SORBS2: variants seen among roughly 807,000 people sequenced by gnomAD.
SORBS2 encodes the protein sorbin and SH3 domain-containing protein 2.
In SORBS2, 46 loss-of-function variants were observed where a neutral mutation model predicts 97.7. The ratio of observed to expected loss-of-function variants is 0.47; its 90% CI spans 0.37 to 0.60. The LOEUF (loss-of-function observed/expected upper bound fraction) is 0.60. Ranked by LOEUF, SORBS2 falls within the 20% of genes least tolerant of loss-of-function variation. The pLI is 0.00. For synonymous variants in SORBS2, 476 were observed against 473.4 expected (o/e 1.01, Z -0.07); for missense variants, 1,316 against 1,282.3 (o/e 1.03, Z -0.40).
intron 2 of SORBS2, among the ~76,000 whole-genome samples, chr4:185,709,427 A>G (rs2098397698): frequency 6.6e-6 from 1 of 151,528 alleles, no homozygotes; most frequent in Non-Finnish European, 1.5e-5. Context: ...TTATTAGGGT[A>G]GGAATAATTA....
At chr4:185,932,298 A>G (rs2099266901) in intron 1 of SORBS2, among the ~76,000 whole-genome samples, 1 of 151,708 alleles carries the variant, frequency 6.6e-6, no homozygotes, top group Admixed American at 6.6e-5. Context: ...AATCTTGCAA[A>G]GGACAGTGGA....
chr4:185,651,181 A>AT (rs2097307796), intron 2 of SORBS2, among the ~76,000 whole-genome samples: 1 of 152,246 alleles, frequency 6.6e-6, no homozygotes, highest in South Asian at 2.1e-4. Context: ...AGGGAAAAAC[A>AT]TTTGTCAGGG....
intron 1 of SORBS2, among the ~76,000 whole-genome samples, chr4:185,784,584 T>C (rs1303952301): frequency 1.3e-5 from 2 of 152,178 alleles, no homozygotes; most frequent in Non-Finnish European, 2.9e-5. Flanking sequence ...GGATTTCTTG[T>C]TATTTGAGGC....
chr4:185,708,042 C>G (rs1281752014), intron 2 of SORBS2, among the ~76,000 whole-genome samples: 5 of 152,148 alleles, frequency 3.3e-5, no homozygotes, highest in African/African-American at 1.2e-4. Flanking sequence ...CATCTTTCTT[C>G]CCCTTGAAGG....
chr4:185,740,049 G>C (rs1027521), intron 2 of SORBS2: 1 of 152,550 alleles, frequency 6.6e-6, no homozygotes, highest in Non-Finnish European at 1.5e-5. Context: ...CCAACACGGT[G>C]AGTTTGCTTC....
chr4:185,912,040 T>C (rs2099255410), intron 1 of SORBS2, among the ~76,000 whole-genome samples: 1 of 152,234 alleles, frequency 6.6e-6, no homozygotes, highest in Admixed American at 6.5e-5. Context: ...AGCTGGACTT[T>C]GTAGGAGAAA....
Position 185,717,613 on chromosome 4 carries a change from A to T in SORBS2, c.-197-38791T>A, listed in dbSNP as rs899065254. On this transcript the variant is annotated intron_variant, in intron 2 of 20. Coordinates refer to the SORBS2 transcript ENST00000284776. The stretch of plus-strand genomic sequence containing the variant: ...GAAGCCGCATGTGGTCAAAGGAGAT[A>T]AAGTACCACAAACTGAGGAGTGTAG... Among the ~76,000 whole-genome samples the T allele has an allele frequency of 3.3e-5, 5 of 152,224 alleles. No homozygotes were observed. In the South Asian group the frequency reaches 6.2e-4, roughly 19 times the overall value.
chr4:185,756,201 T>C (rs2098829549), intron 2 of SORBS2, among the ~76,000 whole-genome samples: 1 of 152,222 alleles, frequency 6.6e-6, no homozygotes, highest in Non-Finnish European at 1.5e-5. Context: ...CTCTATGCAG[T>C]TCATAACTGT....
chr4:185,894,083 C>G lies in SORBS2; in HGVS notation c.-338+62113G>C, dbSNP rs1579356722. The stretch of plus-strand genomic sequence containing the variant: ...GCTATTCCTGTGTTCTCCAGCCCCT[C>G]TGAATACCGATCTCGAAATATGCCA... On this transcript the variant is annotated intron_variant, in intron 1 of 20. Transcript: ENST00000284776. Among the ~76,000 whole-genome samples the G allele has an allele frequency of 2.6e-5, 4 of 152,310 alleles. No individual in the cohort carries two copies. In the South Asian group the frequency reaches 8.3e-4, roughly 32 times the overall value.
chr4:185,638,412 T>C (rs920147163), intron 4 of SORBS2, among the ~76,000 whole-genome samples: 2 of 152,182 alleles, frequency 1.3e-5, no homozygotes, highest in African/African-American at 4.8e-5. Flanking sequence ...GCATAAGTTG[T>C]GGGCAACTCT....
chr4:185,741,404 G>GTTTTT (rs58376567), intron 2 of SORBS2, among the ~76,000 whole-genome samples: 6 of 111,660 alleles, frequency 5.4e-5, no homozygotes, highest in South Asian at 3.1e-4. Context: ...TTTTTTTTTT[G>GTTTTT]TTTTTTTTTT....
At chr4:185,722,673 C>T (rs537874013) in intron 2 of SORBS2, among the ~76,000 whole-genome samples, 1 of 152,082 alleles carries the variant, frequency 6.6e-6, no homozygotes, top group Non-Finnish European at 1.5e-5. Context: ...CATAAGGAAC[C>T]TCCTCCTTCA....
intron 2 of SORBS2, among the ~76,000 whole-genome samples, chr4:185,650,729 C>T (rs922161884): frequency 1.3e-5 from 2 of 152,074 alleles, no homozygotes; most frequent in South Asian, 2.1e-4. Context: ...ATTCAACAGT[C>T]GGACTTCAAC....
At chr4:185,754,969 G>A (rs944243832) in intron 2 of SORBS2, among the ~76,000 whole-genome samples, 10 of 152,232 alleles carry the variant, frequency 6.6e-5, no homozygotes, top group Admixed American at 3.3e-4. Flanking sequence ...AGGAGGAAGG[G>A]AAATGGGCTT....
rs531741013 is a variant in SORBS2, at chr4:185,611,819, G to A, written c.2757C>T (p.Ser919=). 6 of 1,614,034 alleles carry A rather than the reference G, an allele frequency of 3.7e-6. No individual in the cohort carries two copies. The East Asian group carries it at 1.3e-4, about 36-fold the overall frequency. The change falls in exon 12 of 15, where the codon AGC becomes AGT. Residue 919 remains serine (S), a synonymous_variant. Coordinates refer to ENST00000418609, the Ensembl canonical transcript of SORBS2. ...AGCTGTGAATCCTATCACTAGAATA[G>A]CTGTGGGGTATTGGAGGGTCAGGGT...
chr4:185,595,086 G>A (rs997097311), intron 12 of SORBS2, among the ~76,000 whole-genome samples: 1 of 152,078 alleles, frequency 6.6e-6, no homozygotes, highest in Non-Finnish European at 1.5e-5. Flanking sequence ...TTCAGTCTAC[G>A]AGTCAATGAT....
rs1491116547 is a variant in SORBS2, at chr4:185,877,867, C to CAAAAA, written c.-338+78324_-338+78328dup. ...CCTGGGTGACAGAGTGAGACTCTGT[C>CAAAAA]AAAAAACAAAAAAAAAAAAGAAAGA... On this transcript the variant is annotated intron_variant, in intron 1 of 20. Coordinates refer to the SORBS2 transcript ENST00000284776. Among the ~76,000 whole-genome samples, 8 of 50,368 alleles carry CAAAAA rather than the reference C, an allele frequency of 1.6e-4. 2 individuals carry two copies. Among genetic ancestry groups the CAAAAA allele is most frequent in the East Asian group, 1.5e-3 (2 of 1,324 alleles). The allele number at this position is 50,368 out of a possible 152,430, so 33.0% of individuals were successfully genotyped here. A position where few individuals can be genotyped will look rare whatever the true frequency, so the allele number is the denominator to read the frequency against.
intron 2 of SORBS2, among the ~76,000 whole-genome samples, chr4:185,702,119 A>G (rs570157120): frequency 9.9e-4 from 151 of 152,130 alleles, no homozygotes; most frequent in Non-Finnish European, 1.5e-3. Context: ...ATATCTACAT[A>G]CCTTGTCTAA....
At chr4:185,892,528 T>C (rs10022266) in intron 1 of SORBS2, among the ~76,000 whole-genome samples, 4,928 of 152,296 alleles carry the variant, frequency 0.032, 235 homozygotes, top group African/African-American at 0.1. Flanking sequence ...CAAGGGTCCA[T>C]GGACAAGTGA....
Sources: gnomAD v4.1 joint callset for allele counts (sites outside exome capture counted in the v4.1 genomes callset) on GRCh38, gnomAD v4.1.1 for gene constraint, MANE v1.5 for transcripts, NCBI Gene and HGNC (gene_info 2026-07-23, HGNC 2026-07-21) for gene names.